The following ANKIB1 variants were observed in gnomAD, a reference collection of about 807,000 sequenced individuals.
ANKIB1 encodes the protein ankyrin repeat and IBR domain containing 1.
ANKIB1 carries 43 observed loss-of-function variants against 122.1 expected under a neutral mutation model. The ratio of observed to expected loss-of-function variants is 0.35; its 90% CI spans 0.28 to 0.45. The LOEUF (loss-of-function observed/expected upper bound fraction) is 0.45, where lower values mean the gene tolerates loss of function less well. Ranked by LOEUF, ANKIB1 falls within the 20% of genes least tolerant of loss-of-function variation. The pLI is 1.00. For missense variants in ANKIB1, 992 were observed against 1,329.5 expected (o/e 0.75, Z 3.95); for synonymous variants, 390 against 442.0 (o/e 0.88, Z 1.48).
intron 9 of ANKIB1, among the ~76,000 whole-genome samples, chr7:92,355,108 C>T (rs954513063): frequency 6.6e-6 from 1 of 152,182 alleles, no homozygotes; most frequent in African/African-American, 2.4e-5. Context: ...TCTACCTGTT[C>T]ACAAAGTTCC....
intron 15 of ANKIB1, 47 bp from the exon 16 acceptor site, chr7:92,391,119 T>C: frequency 6.7e-7 from 1 of 1,491,462 alleles, no homozygotes; most frequent in Non-Finnish European, 9.0e-7. Flanking sequence ...TTGCTATTGA[T>C]TAACCTATGA....
chr7:92,379,684 G>T (rs1804467551), intron 11 of ANKIB1, among the ~76,000 whole-genome samples: 1 of 152,138 alleles, frequency 6.6e-6, no homozygotes, highest in African/African-American at 2.4e-5. Context: ...AAAGAATAAA[G>T]TTGAATTCAT....
intron 4 of ANKIB1, among the ~76,000 whole-genome samples, chr7:92,326,981 C>G (rs1803040454): frequency 6.6e-6 from 1 of 152,118 alleles, no homozygotes; most frequent in African/African-American, 2.4e-5. Flanking sequence ...TGCTCCATTT[C>G]TTTTACATTG....
intron 1 of ANKIB1, among the ~76,000 whole-genome samples, chr7:92,259,680 C>T (rs753021718): frequency 7.2e-5 from 11 of 152,174 alleles, no homozygotes; most frequent in Non-Finnish European, 1.2e-4. Flanking sequence ...ATCCTTTTGC[C>T]TACCTAATAT....
chr7:92,320,455 T>C (rs1199276610), intron 4 of ANKIB1, among the ~76,000 whole-genome samples: 2 of 152,190 alleles, frequency 1.3e-5, no homozygotes, highest in African/African-American at 4.8e-5. Context: ...TGAAACACTT[T>C]CCTCTTGGCT....
rs184480227 is a variant in ANKIB1 at position 92,385,264 on chromosome 7, C to T, written c.1618-1245C>T. Among the ~76,000 whole-genome samples the T allele has an allele frequency of 5.0e-4, 76 of 152,258 alleles. 2 individuals are homozygous for T. Among genetic ancestry groups the T allele is most frequent in the African/African-American group, 1.5e-3 (63 of 41,540 alleles). ...TGGAGAGGATGTGGAAAAATAGGAA[C>T]GCTTTTACACTGTTAGTGGGAGTGT... On this transcript the variant is annotated intron_variant, in intron 11 of 19. Coordinates refer to ENST00000265742, the MANE Select transcript of ANKIB1 (RefSeq NM_019004.2).
At chr7:92,299,048 A>T (rs1370958996) in intron 2 of ANKIB1, among the ~76,000 whole-genome samples, 7 of 152,204 alleles carry the variant, frequency 4.6e-5, no homozygotes, top group Admixed American at 4.6e-4. Context: ...GGTTGTTTAG[A>T]CTTGGGTACT....
intron 1 of ANKIB1, among the ~76,000 whole-genome samples, chr7:92,266,780 C>G (rs962231810): frequency 6.6e-6 from 1 of 152,190 alleles, no homozygotes; most frequent in African/African-American, 2.4e-5. Flanking sequence ...GTATGATTCA[C>G]TATTAGCATC....
At position 92,286,276 on chromosome 7, in the gene ANKIB1, A is replaced by G. The variant is rs143738412; in HGVS notation, c.-90-8613A>G. ...TTTGTCTCTTCTCACCATCAGGGAAATCTACTGTAGAGGGACCAGTGGACC... is the reference window on the plus strand; with the variant it reads ...TTTGTCTCTTCTCACCATCAGGGAAGTCTACTGTAGAGGGACCAGTGGACC... On this transcript the variant is annotated intron_variant, in intron 1 of 19. Transcript: ENST00000265742. 3.5e-3 allele frequency among the ~76,000 whole-genome samples: 540 copies of G among 152,174 alleles called. 3 individuals are homozygous for G. The highest frequency in any genetic ancestry group is 0.012 in the African/African-American group (507 of 41,524).
intron 10 of ANKIB1, among the ~76,000 whole-genome samples, chr7:92,366,108 A>G (rs1454774925): frequency 6.6e-6 from 1 of 152,106 alleles, no homozygotes; most frequent in Non-Finnish European, 1.5e-5. Context: ...TGTGCCTGCT[A>G]GTTGCCTAAA....
Position 92,391,358 on chromosome 7 carries a change from A to G in ANKIB1, c.2231+14A>G, listed in dbSNP as rs1188415873. 5 of 1,581,140 alleles carry G rather than the reference A, an allele frequency of 3.2e-6. No homozygotes were observed. In the Admixed American group the frequency reaches 6.9e-5, roughly 22 times the overall value. ...TCCAAGGCGCAGGTAAAAAGGACGT[A>G]CACTGTGGAAATCATCCTAGCTCCA... On this transcript the variant is annotated intron_variant, in intron 16 of 19. Coordinates refer to ENST00000265742, the MANE Select transcript of ANKIB1 (RefSeq NM_019004.2).
intron 1 of ANKIB1, among the ~76,000 whole-genome samples, chr7:92,273,777 CT>C (rs111414202): frequency 2.2e-3 from 308 of 142,730 alleles, no homozygotes; most frequent in Middle Eastern, 3.6e-3. Context: ...TATTTTTTTT[CT>C]TTTTTTTTTT....
At chr7:92,258,304 C>G (rs1226438458) in intron 1 of ANKIB1, among the ~76,000 whole-genome samples, 2 of 152,154 alleles carry the variant, frequency 1.3e-5, no homozygotes, top group Non-Finnish European at 1.5e-5. Flanking sequence ...GTCTAGTAGT[C>G]TTTTCTACTG....
At chr7:92,341,598 ATAATGT>A (rs1382519336) in intron 5 of ANKIB1, among the ~76,000 whole-genome samples, 2 of 152,196 alleles carry the variant, frequency 1.3e-5, no homozygotes, top group East Asian at 3.8e-4. Flanking sequence ...AAAGAAGGAA[ATAATGT>A]TAAATAAGTT....
rs200870604 is a variant in ANKIB1 at position 92,386,682 on chromosome 7, C to T, written c.1752+39C>T. On this transcript the variant is annotated intron_variant, in intron 12 of 19. Transcript: ENST00000265742. ...ATTAAGCCAAGACATCTCTCTAAAC[C>T]GCTCACTGCCACTGGAATTATTTTG... 7.3e-5 allele frequency: 108 copies of T among 1,480,628 alleles called. 1 individual carries two copies. Among genetic ancestry groups the T allele is most frequent in the Admixed American group, 3.5e-4 (14 of 39,472 alleles). The allele number at this position is 1,480,628 out of a possible 1,614,324, so 91.7% of individuals were successfully genotyped here. A position where few individuals can be genotyped will look rare whatever the true frequency, so the allele number is the denominator to read the frequency against.
At chr7:92,384,125 C>T (rs993679770) in intron 11 of ANKIB1, among the ~76,000 whole-genome samples, 24 of 152,122 alleles carry the variant, frequency 1.6e-4, no homozygotes, top group African/African-American at 5.3e-4. Flanking sequence ...TGAGTGAACT[C>T]CCATTCACAA....
At chr7:92,341,304 T>C (rs2131973800) in intron 5 of ANKIB1, among the ~76,000 whole-genome samples, 1 of 146,148 alleles carries the variant, frequency 6.8e-6, no homozygotes, top group South Asian at 2.2e-4. Context: ...AGCGAGACCC[T>C]GTCTCAAAAA....
Position 92,331,983 on chromosome 7 carries a change from G to A in ANKIB1, c.787+4083G>A, listed in dbSNP as rs374571789. 3.4e-4 allele frequency among the ~76,000 whole-genome samples: 52 copies of A among 152,108 alleles called. 1 individual carries two copies. The highest frequency in any genetic ancestry group is 9.9e-4 in the African/African-American group (41 of 41,488). ...ATCCCTATTTTTTACACATCGTATC[G>A]TTAAATATTATTAAATGATCAACTC... On this transcript the variant is annotated intron_variant, in intron 5 of 19. Coordinates refer to ENST00000265742, the MANE Select transcript of ANKIB1 (RefSeq NM_019004.2).
intron 1 of ANKIB1, among the ~76,000 whole-genome samples, chr7:92,282,343 C>T (rs1038838452): frequency 3.9e-5 from 6 of 152,008 alleles, no homozygotes; most frequent in African/African-American, 1.4e-4. Context: ...TTAGTAGCGA[C>T]AGGGTTTCAC....
Sources: allele counts gnomAD v4.1 joint callset (sites outside exome capture counted in the v4.1 genomes callset), GRCh38; gene constraint gnomAD v4.1.1; transcripts MANE v1.5; gene names NCBI Gene and HGNC (gene_info 2026-07-23, HGNC 2026-07-21).